The following GRID2 variants were observed in gnomAD, a reference collection of about 807,000 sequenced individuals.
GRID2 encodes glutamate ionotropic receptor delta type subunit 2, also known as glutamate receptor ionotropic, delta-2.
GRID2 carries 33 observed loss-of-function variants against 114.8 expected under a neutral mutation model. The observed-to-expected ratio is 0.29, with a 90% confidence interval of 0.22 to 0.38. The LOEUF is 0.38. GRID2 is among the 10% of genes least tolerant of loss of function. The pLI, the probability that GRID2 is intolerant of heterozygous loss-of-function variation, is 1.00. For synonymous variants in GRID2, 505 were observed against 449.9 expected, an observed-to-expected ratio of 1.12 and a Z score of -1.55; for missense variants, 1,184 against 1,257.7, an observed-to-expected ratio of 0.94 and a Z score of 0.89.
At chr4:92,986,585 C>G (rs1754520364) in intron 2 of GRID2, among the ~76,000 whole-genome samples, 1 of 152,042 alleles carries the variant, frequency 6.6e-6, no homozygotes, top group South Asian at 2.1e-4. Context: ...GCAATGTTAA[C>G]TTTCTGGTTT....
chr4:93,523,325 G>A (rs1278532968), intron 13 of GRID2, among the ~76,000 whole-genome samples: 1 of 152,138 alleles, frequency 6.6e-6, no homozygotes, highest in African/African-American at 2.4e-5. Flanking sequence ...GCTTGGGACA[G>A]TCTCGATTTT....
chr4:92,584,120 TA>T (rs1023673234), intron 1 of GRID2, among the ~76,000 whole-genome samples: 6 of 151,960 alleles, frequency 3.9e-5, no homozygotes, highest in African/African-American at 1.4e-4. Context: ...TACTACCTAG[TA>T]GTTTTGAACA....
chr4:92,349,009 C>CT (rs34971419), intron 1 of GRID2, among the ~76,000 whole-genome samples: 10,005 of 147,374 alleles, frequency 0.068, 381 homozygotes, highest in Middle Eastern at 0.14. Context: ...TACTAGAGTG[C>CT]TTTTTTTTTT....
chr4:92,940,927 C>T (rs534950537), intron 2 of GRID2, among the ~76,000 whole-genome samples: 14 of 152,152 alleles, frequency 9.2e-5, no homozygotes, highest in Non-Finnish European at 1.9e-4. Flanking sequence ...CCCTCTTGAT[C>T]ATGGTGGATA....
intron 1 of GRID2, among the ~76,000 whole-genome samples, chr4:92,421,608 C>T (rs12647443): frequency 0.14 from 21,082 of 152,112 alleles, 1,767 homozygotes; most frequent in South Asian, 0.21. Context: ...GTTATTCAAA[C>T]AGGACTAATA....
At chr4:92,599,366 T>C (rs965476828) in intron 2 of GRID2, among the ~76,000 whole-genome samples, 2 of 152,068 alleles carry the variant, frequency 1.3e-5, no homozygotes, top group East Asian at 1.9e-4. Flanking sequence ...TATATGAAGG[T>C]TGAATATAGA....
rs527918243 is a variant in GRID2, at chr4:92,512,043, T to C, written c.89-78088T>C. ...ATGAATTTATCCAAGACAATGACCA[T>C]TCTATTTTTTTTTTTCTTATGTAAG... is the stretch of plus-strand genomic sequence containing the variant. On this transcript the variant is annotated intron_variant, in intron 1 of 15. Transcript: ENST00000282020. Among the ~76,000 whole-genome samples, 104 of 132,600 alleles carry C rather than the reference T, an allele frequency of 7.8e-4. 1 individual carries two copies. The highest frequency in any genetic ancestry group is 6.5e-3 in the Admixed American group (85 of 13,096). 87.0% of individuals were successfully genotyped at this position (132,600 alleles called of 152,430 possible). A position where few individuals can be genotyped will look rare whatever the true frequency, so the allele number is the denominator to read the frequency against.
chr4:92,619,423 A>T (rs1162144938), intron 2 of GRID2, among the ~76,000 whole-genome samples: 2 of 151,728 alleles, frequency 1.3e-5, no homozygotes, highest in East Asian at 3.9e-4. Context: ...TTGCTGTCTC[A>T]TTCCTCAGAT....
At chr4:92,324,712 A>C (rs1726501943) in intron 1 of GRID2, among the ~76,000 whole-genome samples, 1 of 151,426 alleles carries the variant, frequency 6.6e-6, no homozygotes, top group Admixed American at 6.6e-5. Context: ...AAATGCAAAT[A>C]ACATCTCTAT....
At chr4:93,751,522 T>C (rs1211881298) in intron 14 of GRID2, among the ~76,000 whole-genome samples, 1 of 152,190 alleles carries the variant, frequency 6.6e-6, no homozygotes, top group East Asian at 1.9e-4. Flanking sequence ...TCCTGTGGCA[T>C]TATTGATTGC....
At chr4:93,465,184 C>T (rs999643860) in intron 11 of GRID2, among the ~76,000 whole-genome samples, 3 of 152,118 alleles carry the variant, frequency 2.0e-5, no homozygotes, top group Non-Finnish European at 4.4e-5. Flanking sequence ...AGATATCCTG[C>T]TATTTAGCGT....
chr4:92,869,180 A>G lies in GRID2; in HGVS notation c.245-215815A>G, dbSNP rs1345036375. ...AAACATTAGATTACATCCCGCTTACAGTAATTACAGCTTACTGGTGATACT... is the reference window on the plus strand; with the variant it reads ...AAACATTAGATTACATCCCGCTTACGGTAATTACAGCTTACTGGTGATACT... On this transcript the variant is annotated intron_variant, in intron 2 of 15. Coordinates refer to ENST00000282020, the MANE Select transcript of GRID2 (RefSeq NM_001510.4). Among the ~76,000 whole-genome samples, 4 of 152,220 alleles carry G rather than the reference A, an allele frequency of 2.6e-5. No individual in the cohort carries two copies. In the South Asian group the frequency reaches 6.2e-4, roughly 24 times the overall value.
At position 92,636,536 on chromosome 4, in the gene GRID2, A is replaced by G. The variant is rs546161848; in HGVS notation, c.244+46250A>G. 5.9e-5 allele frequency among the ~76,000 whole-genome samples: 9 copies of G among 152,190 alleles called. No individual in the cohort carries two copies. In the East Asian group the frequency reaches 1.7e-3, roughly 30 times the overall value. On this transcript the variant is annotated intron_variant, in intron 2 of 15. Coordinates refer to ENST00000282020, the MANE Select transcript of GRID2 (RefSeq NM_001510.4). The stretch of plus-strand genomic sequence containing the variant: ...TCCATCACTTGGTGATACATTTCAC[A>G]GTCACATGGTGGTAGGGGACAGTGT...
chr4:93,015,216 T>C (rs551607770), intron 2 of GRID2, among the ~76,000 whole-genome samples: 2 of 152,176 alleles, frequency 1.3e-5, no homozygotes, highest in Admixed American at 6.6e-5. Context: ...TTAAAACCCA[T>C]TGGTAATGGG....
chr4:93,045,694 A>G (rs1726064072), intron 2 of GRID2, among the ~76,000 whole-genome samples: 1 of 152,136 alleles, frequency 6.6e-6, no homozygotes, highest in South Asian at 2.1e-4. Context: ...CCTGTCCAGC[A>G]TCTTTCTCAT....
chr4:92,556,635 C>T (rs868029389), intron 1 of GRID2, among the ~76,000 whole-genome samples: 40 of 152,040 alleles, frequency 2.6e-4, no homozygotes, highest in African/African-American at 8.2e-4. Flanking sequence ...ATCAAGTTGT[C>T]GACTGGGGAT....
At chr4:92,640,672 C>A (rs981080918) in intron 2 of GRID2, among the ~76,000 whole-genome samples, 3 of 151,816 alleles carry the variant, frequency 2.0e-5, no homozygotes, top group South Asian at 2.1e-4. Context: ...TGAAACACAG[C>A]AAGTACTCTT....
intron 8 of GRID2, chr4:93,302,654 A>G (rs1469739504): frequency 2.2e-6 from 1 of 447,930 alleles, no homozygotes; most frequent in Non-Finnish European, 4.5e-6. Flanking sequence ...AGGTAAGTAT[A>G]AAAACCTAAT....
intron 8 of GRID2, among the ~76,000 whole-genome samples, chr4:93,280,420 A>C (rs1340189708): frequency 6.6e-6 from 1 of 152,050 alleles, no homozygotes; most frequent in African/African-American, 2.4e-5. Flanking sequence ...GCTTCTGTTG[A>C]ATTATGAAAC....
Sources: gnomAD v4.1 joint callset for allele counts (sites outside exome capture counted in the v4.1 genomes callset) on GRCh38, gnomAD v4.1.1 for gene constraint, MANE v1.5 for transcripts, NCBI Gene and HGNC (gene_info 2026-07-23, HGNC 2026-07-21) for gene names.